The following LIN28B variants were observed in gnomAD, a reference collection of about 807,000 sequenced individuals.
LIN28B encodes lin-28 RNA binding posttranscriptional regulator B.
In LIN28B, 5 loss-of-function variants were observed where a neutral mutation model predicts 21.9. That is an observed-to-expected ratio of 0.23 (90% CI 0.12 to 0.48). LIN28B has a LOEUF of 0.48. Ranked by LOEUF, LIN28B falls within the 20% of genes least tolerant of loss-of-function variation. The pLI, the probability that LIN28B is intolerant of heterozygous loss-of-function variation, is 0.98. For missense variants in LIN28B, 245 were observed against 310.5 expected (o/e 0.79, Z 1.58); for synonymous variants, 109 against 111.3 (o/e 0.98, Z 0.13).
intron 3 of LIN28B, among the ~76,000 whole-genome samples, chr6:105,072,082 T>C (rs1396356651): frequency 1.3e-5 from 2 of 149,962 alleles, no homozygotes; most frequent in Non-Finnish European, 2.9e-5. Flanking sequence ...TTCAATTCTT[T>C]TGTGTCTGTG....
chr6:105,007,077 AG>A (rs1055972318), intron 2 of LIN28B, among the ~76,000 whole-genome samples: 4 of 152,208 alleles, frequency 2.6e-5, no homozygotes, highest in Non-Finnish European at 5.9e-5. Context: ...GGGATGTCTA[AG>A]GTCTCTTTCA....
Position 105,078,737 on chromosome 6 carries a change from A to T in LIN28B, c.707A>T (p.Glu236Val), listed in dbSNP as rs781575321. The change falls in exon 4 of 4, where the codon GAG (glutamate) becomes GTG (valine). Residue 236 changes from glutamate to valine, a missense_variant. Coordinates refer to ENST00000345080, the MANE Select transcript of LIN28B (RefSeq NM_001004317.4). ...ACGAAGTCATCTATAGCACCAGAAGAGCAAAGCAAAAAGGGGCCTTCAGTT... is the reference window on the plus strand; with the variant it reads ...ACGAAGTCATCTATAGCACCAGAAGTGCAAAGCAAAAAGGGGCCTTCAGTT... ...SSTKSSIAPEEQSKKGPSVQK... is the reference protein window; with the variant it reads ...SSTKSSIAPEVQSKKGPSVQK... 31 of 1,613,944 alleles carry T rather than the reference A, an allele frequency of 1.9e-5. No individual in the cohort carries two copies. Among genetic ancestry groups the T allele is most frequent in the African/African-American group, 2.7e-5 (2 of 74,906 alleles).
intron 1 of LIN28B, 94 bp downstream of exon 1, chr6:104,957,354 T>G: frequency 1.7e-6 from 1 of 589,504 alleles, no homozygotes; most frequent in Non-Finnish European, 2.6e-6. Flanking sequence ...GTCCCCCCCT[T>G]CCCCTTTTAC....
intron 2 of LIN28B, among the ~76,000 whole-genome samples, chr6:105,000,458 G>A (rs900483851): frequency 6.6e-6 from 1 of 152,040 alleles, no homozygotes; most frequent in Non-Finnish European, 1.5e-5. Context: ...CAAAGCAATA[G>A]CAGTCACTTA....
At chr6:105,054,989 A>G (rs567783594) in intron 3 of LIN28B, among the ~76,000 whole-genome samples, 21 of 151,988 alleles carry the variant, frequency 1.4e-4, no homozygotes, top group African/African-American at 4.6e-4. Context: ...CTACTTGTCA[A>G]CTGGTCTTCA....
chr6:105,056,261 A>ATTTTT lies in LIN28B; in HGVS notation c.384-22150_384-22146dup, dbSNP rs146221243. ...TTCCTGCTTCTTTTCATGCGTAGTA[A>ATTTTT]TTTTTTTATTGTATGTAGAATATTG... On this transcript the variant is annotated intron_variant, in intron 3 of 3. Coordinates refer to ENST00000345080, the MANE Select transcript of LIN28B (RefSeq NM_001004317.4). 1.1e-3 allele frequency among the ~76,000 whole-genome samples: 160 copies of ATTTTT among 150,586 alleles called. 1 individual carries two copies. In the South Asian group the frequency reaches 0.028, roughly 26 times the overall value.
At chr6:105,035,879 CTG>C (rs1249205826) in intron 3 of LIN28B, among the ~76,000 whole-genome samples, 7 of 152,034 alleles carry the variant, frequency 4.6e-5, no homozygotes, top group African/African-American at 1.7e-4. Context: ...TTTATCAACA[CTG>C]TTGCATAAAA....
At chr6:105,019,678 C>G (rs922239061) in intron 2 of LIN28B, among the ~76,000 whole-genome samples, 1 of 152,214 alleles carries the variant, frequency 6.6e-6, no homozygotes, top group Non-Finnish European at 1.5e-5. Context: ...TGCTGCAGCT[C>G]CTTCTGTTAA....
chr6:105,014,079 A>G (rs772331691), intron 2 of LIN28B, among the ~76,000 whole-genome samples: 20 of 151,948 alleles, frequency 1.3e-4, no homozygotes, highest in Admixed American at 2.0e-4. Flanking sequence ...TCTTCTACCA[A>G]CTTTGAGTTT....
chr6:104,994,603 G>C (rs1425723689), intron 2 of LIN28B, among the ~76,000 whole-genome samples: 4 of 152,170 alleles, frequency 2.6e-5, no homozygotes, highest in Non-Finnish European at 2.9e-5. Flanking sequence ...TCATTTGTCA[G>C]GGTGTTAAAA....
chr6:104,957,343 C>T, intron 1 of LIN28B, 83 bp downstream of exon 1: 1 of 722,136 alleles, frequency 1.4e-6, no homozygotes. Context: ...CTTCTTAGAC[C>T]GTCCCCCCCT....
At chr6:104,950,606 A>G (rs1778209831) in intron 3 of LIN28B, 1 of 639,690 alleles carries the variant, frequency 1.6e-6, no homozygotes, top group African/African-American at 1.9e-5. Context: ...GCCCTCAGGA[A>G]TTCTCCATCC....
chr6:104,995,427 T>G (rs1310237642), intron 2 of LIN28B, among the ~76,000 whole-genome samples: 1 of 152,080 alleles, frequency 6.6e-6, no homozygotes, highest in African/African-American at 2.4e-5. Flanking sequence ...ATCCTCAGAT[T>G]TGGGGGGGCC....
At position 105,078,746 on chromosome 6, in the gene LIN28B, A is replaced by G; in HGVS notation, c.716A>G (p.Lys239Arg). Reference sequence around the variant, plus strand: ...TCTATAGCACCAGAAGAGCAAAGCAAAAAGGGGCCTTCAGTTCAAAAAAGG... The same window carrying G: ...TCTATAGCACCAGAAGAGCAAAGCAGAAAGGGGCCTTCAGTTCAAAAAAGG... ...KSSIAPEEQSKKGPSVQKRKK... is the reference protein window; with the variant it reads ...KSSIAPEEQSRKGPSVQKRKK... The change falls in exon 4 of 4, where the codon AAA (lysine) becomes AGA (arginine). Residue 239 changes from lysine (K) to arginine (R), a missense_variant. Physicochemically the swap from Lys to Arg is conservative, Grantham distance 26. Coordinates refer to ENST00000345080, the MANE Select transcript of LIN28B (RefSeq NM_001004317.4). 1.2e-6 allele frequency: 2 copies of G among 1,613,990 alleles called. No homozygotes were observed. Among genetic ancestry groups the G allele is most frequent in the South Asian group, 1.1e-5 (1 of 91,052 alleles).
chr6:105,026,731 C>G (rs1481970381), intron 3 of LIN28B, among the ~76,000 whole-genome samples: 1 of 152,100 alleles, frequency 6.6e-6, no homozygotes, highest in Non-Finnish European at 1.5e-5. Flanking sequence ...TTCTGAGACC[C>G]CAGTTGAGGA....
At position 104,950,579 on chromosome 6, in the gene LIN28B, CAT is replaced by C. The variant is rs1778209636; in HGVS notation, c.67+73_67+74del. On this transcript the variant is annotated intron_variant, in intron 3 of 5. Transcript: ENST00000635857. ...TTTAAAAGATCAAGATCGCTAGAGG[CAT>C]ATGAGAACCTGACAGCCCTCAGGAA... 3 of 900,000 alleles carry C rather than the reference CAT, an allele frequency of 3.3e-6. No individual in the cohort carries two copies. In the African/African-American group the frequency reaches 5.2e-5, roughly 16 times the overall value. 55.8% of individuals were successfully genotyped at this position (900,000 alleles called of 1,614,324 possible).
intron 2 of LIN28B, among the ~76,000 whole-genome samples, chr6:105,009,201 T>C (rs564114550): frequency 2.0e-5 from 3 of 152,336 alleles, no homozygotes; most frequent in African/African-American, 7.2e-5. Context: ...AAAAAAAATA[T>C]ATGAACCTGG....
intron 2 of LIN28B, among the ~76,000 whole-genome samples, chr6:104,998,544 T>C (rs1437474659): frequency 1.3e-5 from 2 of 152,196 alleles, no homozygotes; most frequent in East Asian, 3.8e-4. Context: ...TTGCCAGCTG[T>C]GTCATGTTAC....
At chr6:104,998,133 T>C (rs1456181555) in intron 2 of LIN28B, among the ~76,000 whole-genome samples, 3 of 152,182 alleles carry the variant, frequency 2.0e-5, no homozygotes, top group Non-Finnish European at 4.4e-5. Context: ...AACAGAATAT[T>C]AAAATAAACA....
Sources: gnomAD v4.1 joint callset for allele counts (sites outside exome capture counted in the v4.1 genomes callset) on GRCh38, gnomAD v4.1.1 for gene constraint, MANE v1.5 for transcripts, NCBI Gene and HGNC (gene_info 2026-07-23, HGNC 2026-07-21) for gene names.